TRPC5OS: variants seen among roughly 807,000 people sequenced by gnomAD.
TRPC5OS encodes the protein putative uncharacterized protein TRPC5OS.
For missense variants in TRPC5OS, 64 were observed against 79.3 expected (o/e 0.81, Z 0.73); for synonymous variants, 30 against 29.3 (o/e 1.02, Z -0.08).
chrX:111,883,319 A>G (rs915637024), intron 1 of TRPC5OS, among the ~76,000 whole-genome samples: 1 of 112,344 alleles, frequency 8.9e-6, no homozygotes, highest in Non-Finnish European at 1.9e-5. Flanking sequence ...ACTGGGACCT[A>G]TTCAGGGCCA....
intron 1 of TRPC5OS, chrX:111,882,118 T>C (rs1377892312): frequency 1.8e-5 from 2 of 112,396 alleles, no homozygotes; most frequent in African/African-American, 6.5e-5. Flanking sequence ...CTATGTTATG[T>C]TTTAAGTTTG....
chrX:111,883,408 T>G (rs764626746), intron 1 of TRPC5OS, among the ~76,000 whole-genome samples: 2 of 112,515 alleles, frequency 1.8e-5, no homozygotes, highest in African/African-American at 6.5e-5. Flanking sequence ...CCCAGTCTAC[T>G]TAAGTCCTAG....
intron 1 of TRPC5OS, among the ~76,000 whole-genome samples, chrX:111,881,421 C>A (rs1349970002): frequency 1.8e-5 from 2 of 111,197 alleles, no homozygotes; most frequent in East Asian, 2.8e-4. Flanking sequence ...CATGATCCAC[C>A]TGCCTCGGCC....
intron 1 of TRPC5OS, among the ~76,000 whole-genome samples, chrX:111,878,372 G>A (rs765054358): frequency 9.0e-6 from 1 of 111,447 alleles, no homozygotes; most frequent in South Asian, 3.8e-4. Context: ...GCTTCAGTGT[G>A]ATTGGCTGAT....
chrX:111,900,615 G>C (rs187265744), intron 3 of TRPC5OS, among the ~76,000 whole-genome samples: 6 of 111,323 alleles, frequency 5.4e-5, no homozygotes, highest in Admixed American at 1.9e-4. Context: ...CTGAAGCTTC[G>C]GGGACTTTAA....
intron 1 of TRPC5OS, among the ~76,000 whole-genome samples, chrX:111,884,359 G>A (rs1924370255): frequency 8.9e-6 from 1 of 112,368 alleles, no homozygotes; most frequent in Admixed American, 9.4e-5. Context: ...GTAGTGCCAG[G>A]CCCTAGCTTA....
At chrX:111,897,799 C>A (rs2148611860) in intron 3 of TRPC5OS, among the ~76,000 whole-genome samples, 1 of 111,208 alleles carries the variant, frequency 9.0e-6, no homozygotes, top group East Asian at 2.8e-4. Context: ...GTTACCTGAG[C>A]TCTTTCTACT....
intron 1 of TRPC5OS, among the ~76,000 whole-genome samples, chrX:111,877,730 G>C (rs979233683): frequency 3.6e-5 from 4 of 111,231 alleles, no homozygotes; most frequent in African/African-American, 1.3e-4. Context: ...ATAAATGAAT[G>C]AATAAAATAA....
chrX:111,889,489 C>A (rs747057519), intron 1 of TRPC5OS, among the ~76,000 whole-genome samples: 1 of 112,295 alleles, frequency 8.9e-6, no homozygotes, highest in Non-Finnish European at 1.9e-5. Flanking sequence ...TTTATCTTTT[C>A]ACTTGAACAG....
At chrX:111,897,078 A>G (rs191600040) in intron 3 of TRPC5OS, among the ~76,000 whole-genome samples, 1 of 112,230 alleles carries the variant, frequency 8.9e-6, no homozygotes, top group African/African-American at 3.2e-5. Context: ...AATTACATTC[A>G]GGCTATGTGT....
chrX:111,900,356 C>T (rs771876868), intron 3 of TRPC5OS, among the ~76,000 whole-genome samples: 2 of 111,192 alleles, frequency 1.8e-5, no homozygotes, highest in Non-Finnish European at 3.8e-5. Context: ...GAATTAATAG[C>T]CAGAAATTTA....
At chrX:111,888,326 G>A (rs1924604077) in intron 1 of TRPC5OS, among the ~76,000 whole-genome samples, 1 of 110,082 alleles carries the variant, frequency 9.1e-6, no homozygotes, top group South Asian at 3.9e-4. Context: ...GTTTTAAATG[G>A]AGGAGTGACA....
At chrX:111,900,942 T>C (rs1603088044) in intron 3 of TRPC5OS, among the ~76,000 whole-genome samples, 1 of 110,999 alleles carries the variant, frequency 9.0e-6, no homozygotes, top group East Asian at 2.8e-4. Flanking sequence ...ACTCAGAAAG[T>C]GGGTTTGCAA....
At chrX:111,881,299 C>T (rs1924207118) in intron 1 of TRPC5OS, among the ~76,000 whole-genome samples, 1 of 110,496 alleles carries the variant, frequency 9.1e-6, no homozygotes, top group African/African-American at 3.3e-5. Context: ...GCCTCAGCTT[C>T]CCGAGTAGCT....
chrX:111,885,802 A>G (rs1405983821), intron 1 of TRPC5OS, among the ~76,000 whole-genome samples: 2 of 111,326 alleles, frequency 1.8e-5, no homozygotes, highest in Admixed American at 9.6e-5. Context: ...AACTAAATCA[A>G]TAGGGCATCT....
At chrX:111,899,219 T>G (rs1925220139) in intron 3 of TRPC5OS, among the ~76,000 whole-genome samples, 1 of 110,836 alleles carries the variant, frequency 9.0e-6, no homozygotes, top group African/African-American at 3.3e-5. Context: ...CAAAAGTGAC[T>G]GAGTCCCCCG....
At chrX:111,881,108 G>GT (rs954948393) in intron 1 of TRPC5OS, among the ~76,000 whole-genome samples, 3 of 110,442 alleles carry the variant, frequency 2.7e-5, no homozygotes, top group African/African-American at 6.6e-5. Context: ...GGAATGCTAT[G>GT]TTTTTTTGTT....
Position 111,901,768 on chromosome X carries a change from CCCTTATACTAT to C in TRPC5OS, c.-79_-69del. On this transcript the variant is annotated 5_prime_UTR_variant, in exon 4 of 4. Coordinates refer to ENST00000635763, the MANE Select transcript of TRPC5OS (RefSeq NM_001195578.2). ...AACCAACCACAGAACCATTGTTAGCCCCTTATACTATCCATTGTCACCAAGAGTCCATTTGC... is the reference window on the plus strand; with the variant it reads ...AACCAACCACAGAACCATTGTTAGCCCCATTGTCACCAAGAGTCCATTTGC... 1.3e-6 allele frequency: 1 copy of C among 774,207 alleles called. No individual in the cohort carries two copies. Among genetic ancestry groups the C allele is most frequent in the Non-Finnish European group, 1.8e-6 (1 of 561,139 alleles). 63.8% of individuals were successfully genotyped at this position (774,207 alleles called of 1,213,427 possible).
At chrX:111,891,403 G>T (rs1479364531) in intron 1 of TRPC5OS, among the ~76,000 whole-genome samples, 1 of 111,698 alleles carries the variant, frequency 9.0e-6, no homozygotes, top group Non-Finnish European at 1.9e-5. Flanking sequence ...TTTAATAGGA[G>T]CCAAGAAATC....
Sources: gnomAD v4.1 joint callset for allele counts (sites outside exome capture counted in the v4.1 genomes callset) on GRCh38, gnomAD v4.1.1 for gene constraint, MANE v1.5 for transcripts, NCBI Gene and HGNC (gene_info 2026-07-23, HGNC 2026-07-21) for gene names.